Variants in ALX4 observed in about 807,000 individuals in gnomAD.
ALX4 encodes the protein ALX homeobox 4, also known as homeobox protein aristaless-like 4.
ALX4 carries 22 observed loss-of-function variants against 40.6 expected under a neutral mutation model. The ratio of observed to expected loss-of-function variants is 0.54; its 90% CI spans 0.39 to 0.77. The LOEUF (loss-of-function observed/expected upper bound fraction) is 0.77, where lower values mean the gene tolerates loss of function less well. Ranked by LOEUF, ALX4 falls within the 30% of genes least tolerant of loss-of-function variation. The pLI is 0.00. For missense variants in ALX4, 556 were observed against 564.8 expected (o/e 0.98, Z 0.16); for synonymous variants, 266 against 240.5 (o/e 1.11, Z -0.98).
chr11:44,275,492 C>T lies in ALX4; in HGVS notation c.633G>A (p.Lys211=). 1.2e-6 allele frequency: 2 copies of T among 1,614,050 alleles called. No homozygotes were observed. The highest frequency in any genetic ancestry group is 1.3e-5 in the African/African-American group (1 of 75,048). ...PLEKADSESN[K]GKKRRNRTTF... is the part of the protein sequence containing the mutation. ...TGGTCCGGTTCCGCCGCTTCTTGCC[C>T]TTGTTGCTCTCTGAGTCGGCCTTCT... The change falls in exon 2 of 4, where the codon AAG becomes AAA. Residue 211 remains lysine, a synonymous_variant. Transcript: ENST00000652299.
chr11:44,309,121 C>A (rs925473963), intron 1 of ALX4, among the ~76,000 whole-genome samples: 3 of 138,290 alleles, frequency 2.2e-5, no homozygotes, highest in Admixed American at 7.5e-5. Context: ...AGCCTCCCAG[C>A]CGGCGAGGAG....
intron 1 of ALX4, among the ~76,000 whole-genome samples, chr11:44,288,148 A>T (rs992431283): frequency 6.6e-6 from 1 of 152,096 alleles, no homozygotes; most frequent in Non-Finnish European, 1.5e-5. Flanking sequence ...TCGACCTCCC[A>T]AAGTGCTGGG....
chr11:44,306,268 T>C (rs10769037), intron 1 of ALX4, among the ~76,000 whole-genome samples: 134,347 of 152,302 alleles, frequency 0.88, 59,628 homozygotes, highest in South Asian at 0.93. Flanking sequence ...AAGGCCCAAG[T>C]TGGGGTAGGG....
At chr11:44,287,071 T>C (rs919805702) in intron 1 of ALX4, among the ~76,000 whole-genome samples, 2 of 152,222 alleles carry the variant, frequency 1.3e-5, no homozygotes, top group Non-Finnish European at 2.9e-5. Flanking sequence ...CTGGCAGACT[T>C]GTTACCAGCT....
intron 1 of ALX4, among the ~76,000 whole-genome samples, chr11:44,299,693 T>A (rs1271364349): frequency 6.6e-6 from 1 of 152,116 alleles, no homozygotes; most frequent in Non-Finnish European, 1.5e-5. Context: ...CTGTCTTTCA[T>A]CTCCACATCA....
At position 44,307,607 on chromosome 11, in the gene ALX4, G is replaced by A. The variant is rs1956476677; in HGVS notation, c.466+1990C>T. Among the ~76,000 whole-genome samples the A allele has an allele frequency of 2.0e-5, 3 of 152,226 alleles. No homozygotes were observed. The South Asian group carries it at 6.2e-4, about 32-fold the overall frequency. ...GAAAATTCAATGCAGTGGAGAGAGAGCATGAGCTCTCTGGCTATGCAGGAT... is the reference window on the plus strand; with the variant it reads ...GAAAATTCAATGCAGTGGAGAGAGAACATGAGCTCTCTGGCTATGCAGGAT... On this transcript the variant is annotated intron_variant, in intron 1 of 3. Transcript: ENST00000652299.
intron 1 of ALX4, among the ~76,000 whole-genome samples, chr11:44,306,375 C>A (rs1369048505): frequency 6.6e-6 from 1 of 152,262 alleles, no homozygotes; most frequent in Non-Finnish European, 1.5e-5. Context: ...CCGCCCCGCA[C>A]TCCCTCGGCT....
At chr11:44,295,982 A>G (rs954337648) in intron 1 of ALX4, among the ~76,000 whole-genome samples, 1 of 152,164 alleles carries the variant, frequency 6.6e-6, no homozygotes, top group Non-Finnish European at 1.5e-5. Flanking sequence ...CGGAAAACAA[A>G]TGTGTCCTTG....
chr11:44,304,489 G>A (rs1956454578), intron 1 of ALX4, among the ~76,000 whole-genome samples: 2 of 151,966 alleles, frequency 1.3e-5, no homozygotes, highest in African/African-American at 2.4e-5. Context: ...ACCAAGGCAG[G>A]GCGCGCCCCC....
rs146607476 is a variant in ALX4 at position 44,277,291 on chromosome 11, G to A, written c.467-1633C>T. Among the ~76,000 whole-genome samples, 1,479 of 152,290 alleles carry A rather than the reference G, an allele frequency of 9.7e-3. 17 individuals are homozygous for A. The highest frequency in any genetic ancestry group is 9.0e-3 in the Non-Finnish European group (612 of 68,022). ...AGTCCTCCAAGCATGCAGGCCCTTGGGCACAGGAGCATGTGCAGGGCGTGC... is the reference window on the plus strand; with the variant it reads ...AGTCCTCCAAGCATGCAGGCCCTTGAGCACAGGAGCATGTGCAGGGCGTGC... On this transcript the variant is annotated intron_variant, in intron 1 of 3. Transcript: ENST00000652299.
rs201777848 is a variant in ALX4 at position 44,309,737 on chromosome 11, TGCTGCGGCTGCG to T, written c.314_325del (p.Pro105_Gln108del). The stretch of plus-strand genomic sequence containing the variant: ...GGGCGGCTGGGGCTGCGGCTGCTGC[TGCTGCGGCTGCG>T]GCTGCGGCGGCGGCTGGGGCTGCGG... On this transcript the variant is annotated inframe_deletion, in exon 1 of 4. Transcript: ENST00000652299. 7,069 of 1,555,108 alleles carry T rather than the reference TGCTGCGGCTGCG, an allele frequency of 4.5e-3. 274 individuals are homozygous for T. In the African/African-American group the frequency reaches 0.088, roughly 19 times the overall value.
intron 2 of ALX4, among the ~76,000 whole-genome samples, chr11:44,268,068 C>G (rs1302074351): frequency 1.3e-5 from 2 of 152,162 alleles, no homozygotes; most frequent in Non-Finnish European, 2.9e-5. Flanking sequence ...CTCTCTAAGG[C>G]TTATTGGTCC....
At chr11:44,309,464 C>G in intron 1 of ALX4, 133 bp downstream of exon 1, 5 of 1,471,412 alleles carry the variant, frequency 3.4e-6, no homozygotes, top group Non-Finnish European at 4.5e-6. Flanking sequence ...CGATCGATCC[C>G]GTTTACCGAC....
intron 2 of ALX4, 123 bp from the exon 3 acceptor site, chr11:44,267,745 C>A: frequency 2.3e-6 from 3 of 1,280,306 alleles, no homozygotes; most frequent in South Asian, 1.2e-5. Context: ...GGAAACGGTG[C>A]GGCCACACAT....
chr11:44,290,095 C>T (rs957231686), intron 1 of ALX4, among the ~76,000 whole-genome samples: 2 of 152,214 alleles, frequency 1.3e-5, no homozygotes, highest in East Asian at 3.9e-4. Context: ...TGTGGTCTGT[C>T]TGCCCATTGT....
At chr11:44,291,087 C>T (rs1394937856) in intron 1 of ALX4, among the ~76,000 whole-genome samples, 1 of 152,182 alleles carries the variant, frequency 6.6e-6, no homozygotes, top group African/African-American at 2.4e-5. Context: ...CATTTATGAA[C>T]CATAAACCTC....
At chr11:44,298,513 G>A (rs566393539) in intron 1 of ALX4, among the ~76,000 whole-genome samples, 12 of 152,302 alleles carry the variant, frequency 7.9e-5, no homozygotes, top group African/African-American at 2.9e-4. Flanking sequence ...CAGGTGGCAG[G>A]AATGGGGGTG....
rs1217471125 is a variant in ALX4 at position 44,275,497 on chromosome 11, T to G, written c.628A>C (p.Asn210His). The G allele has an allele frequency of 6.2e-7, 1 of 1,613,940 alleles. No individual in the cohort carries two copies. Among genetic ancestry groups the G allele is most frequent in the African/African-American group, 1.3e-5 (1 of 74,938 alleles). Residue 210 changes from asparagine to histidine, a missense_variant, in exon 2 of 4, where the codon AAC (asparagine) becomes CAC (histidine). Coordinates refer to ENST00000652299, the MANE Select transcript of ALX4 (RefSeq NM_021926.4). ...CGGTTCCGCCGCTTCTTGCCCTTGT[T>G]GCTCTCTGAGTCGGCCTTCTCCAAT... is the stretch of plus-strand genomic sequence containing the variant. The part of the protein sequence containing the change: ...SPLEKADSES[N>H]KGKKRRNRTT...
At chr11:44,304,793 G>C (rs1213093457) in intron 1 of ALX4, among the ~76,000 whole-genome samples, 1 of 152,216 alleles carries the variant, frequency 6.6e-6, no homozygotes, top group African/African-American at 2.4e-5. Flanking sequence ...TTAGAAACCA[G>C]AGTCCTCCGG....
Sources: allele counts gnomAD v4.1 joint callset (sites outside exome capture counted in the v4.1 genomes callset), GRCh38; gene constraint gnomAD v4.1.1; transcripts MANE v1.5; gene names NCBI Gene and HGNC (gene_info 2026-07-23, HGNC 2026-07-21).